Variants in ELAPOR2 observed in about 807,000 individuals in gnomAD.
ELAPOR2 encodes endosome-lysosome associated apoptosis and autophagy regulator family member 2.
ELAPOR2 carries 89 observed loss-of-function variants against 120.7 expected under a neutral mutation model. The ratio of observed to expected loss-of-function variants is 0.74; its 90% confidence interval spans 0.62 to 0.88. The LOEUF (loss-of-function observed/expected upper bound fraction) is 0.88, where lower values mean the gene tolerates loss of function less well. Ranked by LOEUF, ELAPOR2 falls within the 40% of genes least tolerant of loss-of-function variation. The probability of loss-of-function intolerance (pLI) is 0.00; values close to 1 mark genes in which losing one functional copy is unlikely to be tolerated. For synonymous variants in ELAPOR2, 444 were observed against 444.9 expected, an observed-to-expected ratio of 1.00 and a Z score of 0.03; for missense variants, 1,134 against 1,251.6, an observed-to-expected ratio of 0.91 and a Z score of 1.42.
At chr7:87,011,719 A>G (rs1583989621) in intron 1 of ELAPOR2, among the ~76,000 whole-genome samples, 1 of 152,340 alleles carries the variant, frequency 6.6e-6, no homozygotes, top group East Asian at 1.9e-4. Context: ...GGAGTTGATC[A>G]TTGAATAAGC....
Position 86,881,357 on chromosome 7 carries a change from CTTT to C in ELAPOR2, c.3031-830_3031-828del, listed in dbSNP as rs773455638. ...GACCTCAGATGCGAGCAAGCACGCCCTTTTTTTTTTTTTTTTGAGTCAGAGTTT... is the reference window on the plus strand; with the variant it reads ...GACCTCAGATGCGAGCAAGCACGCCCTTTTTTTTTTTTTGAGTCAGAGTTT... On this transcript the variant is annotated intron_variant, in intron 21 of 21. Coordinates refer to ENST00000450689, the MANE Select transcript of ELAPOR2 (RefSeq NM_001142749.3). 1.7e-3 allele frequency among the ~76,000 whole-genome samples: 230 copies of C among 138,928 alleles called. 1 individual carries two copies. Among genetic ancestry groups the C allele is most frequent in the Non-Finnish European group, 2.9e-3 (185 of 63,430 alleles). The allele number at this position is 138,928 out of a possible 152,430, so 91.1% of individuals were successfully genotyped here. A position where few individuals can be genotyped will look rare whatever the true frequency, so the allele number is the denominator to read the frequency against.
Position 86,926,898 on chromosome 7 carries a change from A to G in ELAPOR2, c.1108T>C (p.Trp370Arg). 7 of 1,447,286 alleles carry G rather than the reference A, an allele frequency of 4.8e-6. No individual in the cohort carries two copies. Among genetic ancestry groups the G allele is most frequent in the Non-Finnish European group, 6.4e-6 (7 of 1,087,354 alleles). The allele number at this position is 1,447,286 out of a possible 1,614,324, so 89.7% of individuals were successfully genotyped here. The change falls in exon 9 of 22, where the codon TGG (tryptophan) becomes CGG (arginine). Residue 370 changes from tryptophan (W) to arginine (R), a missense_variant. Coordinates refer to ENST00000450689, the MANE Select transcript of ELAPOR2 (RefSeq NM_001142749.3). ...TCCCGGCAGATTTTGGGCTCTATCCACTTGTACATTATCTGTGTCTACAAA... is the reference window on the plus strand; with the variant it reads ...TCCCGGCAGATTTTGGGCTCTATCCGCTTGTACATTATCTGTGTCTACAAA... ...EEGKTQIMYK[W>R]IEPKICREDL...
chr7:86,991,703 A>G (rs977410024), intron 1 of ELAPOR2, among the ~76,000 whole-genome samples: 3 of 152,232 alleles, frequency 2.0e-5, no homozygotes, highest in Non-Finnish European at 2.9e-5. Context: ...CCATGAAGTC[A>G]TGAGGCTCCT....
intron 1 of ELAPOR2, among the ~76,000 whole-genome samples, chr7:87,022,848 C>T (rs1341578906): frequency 6.6e-6 from 1 of 151,838 alleles, no homozygotes; most frequent in African/African-American, 2.4e-5. Flanking sequence ...AGCATTTTTT[C>T]ATGTGTTTTT....
intron 1 of ELAPOR2, among the ~76,000 whole-genome samples, chr7:86,997,908 T>A (rs535071727): frequency 6.6e-6 from 1 of 152,304 alleles, no homozygotes; most frequent in East Asian, 1.9e-4. Flanking sequence ...TTTCGTATGT[T>A]TTCACATAGG....
In ELAPOR2 at chr7:87,059,358, G is replaced by A; in HGVS notation, c.156C>T (p.Ser52=). The change falls in exon 1 of 22, where the codon TCC becomes TCT. Residue 52 remains serine (S), a synonymous_variant. Coordinates refer to ENST00000450689, the MANE Select transcript of ELAPOR2 (RefSeq NM_001142749.3). Reference sequence around the variant, plus strand: ...AAGGAGGAAGCGGGCGGCTGGAGGAGGAGGGCAGGTCCCCAGCCCAGGCCG... The same window carrying A: ...AAGGAGGAAGCGGGCGGCTGGAGGAAGAGGGCAGGTCCCCAGCCCAGGCCG... ...CQAAWAGDLP[S]SSSRPLPPCQ... The A allele has an allele frequency of 7.2e-6, 9 of 1,247,638 alleles. No homozygotes were observed. The highest frequency in any genetic ancestry group is 8.1e-6 in the Non-Finnish European group (8 of 988,792). 77.3% of individuals were successfully genotyped at this position (1,247,638 alleles called of 1,614,324 possible). A position where few individuals can be genotyped will look rare whatever the true frequency, so the allele number is the denominator to read the frequency against.
chr7:86,892,911 A>G lies in ELAPOR2; in HGVS notation c.2864+11T>C. On this transcript the variant is annotated intron_variant, in intron 20 of 21. Coordinates refer to ENST00000450689, the MANE Select transcript of ELAPOR2 (RefSeq NM_001142749.3). ...TCTAGCTCTCTTGTGATCATCTCAG[A>G]GGGTACTTACTTTTGATTCTTTTTC... The G allele has an allele frequency of 6.6e-7, 1 of 1,520,568 alleles. No individual in the cohort carries two copies. Among genetic ancestry groups the G allele is most frequent in the Non-Finnish European group, 8.7e-7 (1 of 1,145,832 alleles). The allele number at this position is 1,520,568 out of a possible 1,614,324, so 94.2% of individuals were successfully genotyped here.
chr7:86,925,459 G>C, intron 10 of ELAPOR2, 69 bp downstream of exon 10: 1 of 1,536,356 alleles, frequency 6.5e-7, no homozygotes, highest in South Asian at 1.1e-5. Context: ...ATGTTTTAGA[G>C]AGCTAAGTTC....
intron 1 of ELAPOR2, among the ~76,000 whole-genome samples, chr7:86,983,418 T>C (rs538996071): frequency 6.6e-6 from 1 of 151,428 alleles, no homozygotes; most frequent in East Asian, 1.9e-4. Context: ...AAGGAAAAAA[T>C]GTTAAGGGCA....
intron 8 of ELAPOR2, among the ~76,000 whole-genome samples, chr7:86,933,571 A>G (rs1020767162): frequency 6.6e-6 from 1 of 152,066 alleles, no homozygotes; most frequent in Non-Finnish European, 1.5e-5. Context: ...GGCCATGACA[A>G]TGGCCCAAAG....
chr7:87,009,938 C>A (rs1438614600), intron 1 of ELAPOR2, among the ~76,000 whole-genome samples: 2 of 152,016 alleles, frequency 1.3e-5, no homozygotes, highest in African/African-American at 4.8e-5. Flanking sequence ...ATATAAAATT[C>A]TTTTTATAAA....
chr7:87,014,026 A>AC (rs1793783713), intron 1 of ELAPOR2, among the ~76,000 whole-genome samples: 2 of 110,304 alleles, frequency 1.8e-5, no homozygotes, highest in Non-Finnish European at 4.0e-5. Context: ...CATGTTTTTC[A>AC]CTTTTTTTTT....
rs954891420 is a variant in ELAPOR2 at position 86,878,240 on chromosome 7, A to G, written c.*2231T>C. ...AACTAAAGGAAATTTTATAGCCAGG[A>G]TTGGTCTAAATATTTTCCCCATAAT... On this transcript the variant is annotated 3_prime_UTR_variant, in exon 22 of 22. Transcript: ENST00000450689. 7 of 152,182 alleles carry G rather than the reference A, an allele frequency of 4.6e-5. No homozygotes were observed. The highest frequency in any genetic ancestry group is 6.5e-5 in the Admixed American group (1 of 15,274). 9.4% of individuals were successfully genotyped at this position (152,182 alleles called of 1,614,324 possible).
intron 1 of ELAPOR2, among the ~76,000 whole-genome samples, chr7:87,058,191 T>C (rs1795320088): frequency 6.6e-6 from 1 of 152,292 alleles, no homozygotes; most frequent in South Asian, 2.1e-4. Context: ...AATCCATAGA[T>C]GATGGATGAT....
chr7:86,916,283 C>T (rs1051400145), intron 12 of ELAPOR2, among the ~76,000 whole-genome samples: 4 of 152,154 alleles, frequency 2.6e-5, no homozygotes, highest in Non-Finnish European at 4.4e-5. Flanking sequence ...GCTAACTTGA[C>T]TGAAAGGAGT....
intron 8 of ELAPOR2, among the ~76,000 whole-genome samples, chr7:86,934,047 A>C (rs1790454253): frequency 6.6e-6 from 1 of 152,022 alleles, no homozygotes; most frequent in African/African-American, 2.4e-5. Flanking sequence ...CTCAGTACTT[A>C]AGATAATTTT....
chr7:86,990,535 T>G (rs1424418136), intron 1 of ELAPOR2, among the ~76,000 whole-genome samples: 1 of 152,140 alleles, frequency 6.6e-6, no homozygotes, highest in Non-Finnish European at 1.5e-5. Flanking sequence ...ATTACTCAGT[T>G]TCAGGTATTT....
chr7:86,971,757 T>TC (rs1472775187), intron 1 of ELAPOR2, among the ~76,000 whole-genome samples: 1 of 152,008 alleles, frequency 6.6e-6, no homozygotes, highest in African/African-American at 2.4e-5. Context: ...AATTGACTTA[T>TC]CAAGGCAAGA....
chr7:87,042,713 G>C (rs1177471517), intron 1 of ELAPOR2, among the ~76,000 whole-genome samples: 1 of 152,032 alleles, frequency 6.6e-6, no homozygotes, highest in Non-Finnish European at 1.5e-5. Flanking sequence ...AGAAAAGCAA[G>C]AGCAAACACA....
Sources: allele counts gnomAD v4.1 joint callset (sites outside exome capture counted in the v4.1 genomes callset), GRCh38; gene constraint gnomAD v4.1.1; transcripts MANE v1.5; gene names NCBI Gene and HGNC (gene_info 2026-07-23, HGNC 2026-07-21).